Variants in LRIG1 observed in about 807,000 individuals in gnomAD.
LRIG1 encodes leucine-rich repeats and immunoglobulin-like domains protein 1.
Under a neutral mutation model 99.2 loss-of-function variants are expected in LRIG1, and 48 were observed. That is an observed-to-expected ratio of 0.48 (90% CI 0.38 to 0.62). The LOEUF is 0.62. Among genes scored for constraint, LRIG1 ranks in the 20% least tolerant of loss-of-function variants. The pLI, the probability that LRIG1 is intolerant of heterozygous loss-of-function variation, is 0.00. For synonymous variants in LRIG1, 772 were observed against 596.1 expected (o/e 1.29, Z -4.30); for missense variants, 1,646 against 1,434.4 (o/e 1.15, Z -2.38).
At chr3:66,432,193 A>G (rs1234133356) in intron 3 of LRIG1, among the ~76,000 whole-genome samples, 2 of 152,158 alleles carry the variant, frequency 1.3e-5, no homozygotes, top group Non-Finnish European at 2.9e-5. Flanking sequence ...TTTTCCACAC[A>G]GAACCTCCTC....
intron 3 of LRIG1, among the ~76,000 whole-genome samples, chr3:66,423,132 G>A (rs937220981): frequency 1.3e-5 from 2 of 152,136 alleles, no homozygotes; most frequent in African/African-American, 4.8e-5. Flanking sequence ...ATATCAAATA[G>A]GTATGAAGTT....
intron 6 of LRIG1, among the ~76,000 whole-genome samples, chr3:66,412,607 G>T (rs1364069331): frequency 6.6e-6 from 1 of 152,240 alleles, no homozygotes; most frequent in Non-Finnish European, 1.5e-5. Flanking sequence ...CTGAAGTCTT[G>T]AAGAATCCTT....
At chr3:66,436,543 A>C (rs745725426) in intron 3 of LRIG1, among the ~76,000 whole-genome samples, 2 of 152,184 alleles carry the variant, frequency 1.3e-5, no homozygotes, top group African/African-American at 4.8e-5. Context: ...ACTACTCACT[A>C]TCTGTGGGAA....
At chr3:66,471,324 T>C (rs9863395) in intron 1 of LRIG1, among the ~76,000 whole-genome samples, 7,544 of 152,292 alleles carry the variant, frequency 0.05, 595 homozygotes, top group African/African-American at 0.17. Context: ...AACTTTCACA[T>C]AGTCCTTAAG....
chr3:66,484,880 C>A (rs1265917743), intron 1 of LRIG1, among the ~76,000 whole-genome samples: 1 of 152,160 alleles, frequency 6.6e-6, no homozygotes, highest in Non-Finnish European at 1.5e-5. Context: ...ACAGGCTAGG[C>A]ATGGTGGCTC....
At chr3:66,419,259 C>T (rs1418355880) in intron 3 of LRIG1, among the ~76,000 whole-genome samples, 1 of 152,208 alleles carries the variant, frequency 6.6e-6, no homozygotes, top group Non-Finnish European at 1.5e-5. Flanking sequence ...CTCTCCCCAC[C>T]TCCTCCTCTG....
At chr3:66,461,833 G>A (rs894729188) in intron 2 of LRIG1, among the ~76,000 whole-genome samples, 8 of 152,218 alleles carry the variant, frequency 5.3e-5, no homozygotes, top group Admixed American at 5.2e-4. Flanking sequence ...GCAAGGGACA[G>A]CAAGCCTAGA....
At chr3:66,445,500 T>C (rs1202281618) in intron 3 of LRIG1, among the ~76,000 whole-genome samples, 1 of 152,132 alleles carries the variant, frequency 6.6e-6, no homozygotes, top group South Asian at 2.1e-4. Flanking sequence ...GGGGCAACCC[T>C]TGGTCTTGGG....
intron 3 of LRIG1, among the ~76,000 whole-genome samples, chr3:66,431,130 G>T (rs527567609): frequency 1.3e-5 from 2 of 152,148 alleles, no homozygotes; most frequent in African/African-American, 4.8e-5. Flanking sequence ...TCCCGGGTAC[G>T]GCACAGCTGA....
At chr3:66,467,043 TC>T (rs1424382542) in intron 1 of LRIG1, among the ~76,000 whole-genome samples, 5 of 152,158 alleles carry the variant, frequency 3.3e-5, no homozygotes, top group African/African-American at 1.2e-4. Context: ...AGATGACCGT[TC>T]AGCCCACCGT....
At chr3:66,489,001 T>C (rs1701038714) in intron 1 of LRIG1, among the ~76,000 whole-genome samples, 1 of 152,164 alleles carries the variant, frequency 6.6e-6, no homozygotes, top group Admixed American at 6.5e-5. Flanking sequence ...TTCTTAAAAT[T>C]CTAAATCAAA....
chr3:66,420,909 G>A (rs756227289), intron 3 of LRIG1, among the ~76,000 whole-genome samples: 1 of 152,182 alleles, frequency 6.6e-6, no homozygotes, highest in South Asian at 2.1e-4. Context: ...ACAGTTCCAC[G>A]TGGCTGGGGA....
At chr3:66,410,352 G>A (rs1702425882) in intron 6 of LRIG1, 80 bp from the exon 7 acceptor site, 4 of 1,377,788 alleles carry the variant, frequency 2.9e-6, no homozygotes, top group Non-Finnish European at 4.0e-6. Context: ...CAGCCACGCT[G>A]TACCTGACAC....
chr3:66,437,434 T>C (rs1407626881), intron 3 of LRIG1, among the ~76,000 whole-genome samples: 2 of 152,214 alleles, frequency 1.3e-5, no homozygotes, highest in Non-Finnish European at 2.9e-5. Flanking sequence ...TTTCCACTAA[T>C]ACTTTTTCTC....
At position 66,440,203 on chromosome 3, in the gene LRIG1, G is replaced by T. The variant is rs912202906; in HGVS notation, c.365+11356C>A. 8.8e-4 allele frequency among the ~76,000 whole-genome samples: 134 copies of T among 152,160 alleles called. 1 individual carries two copies. The highest frequency in any genetic ancestry group is 2.9e-3 in the African/African-American group (121 of 41,506). On this transcript the variant is annotated intron_variant, in intron 3 of 18. Transcript: ENST00000273261. Reference sequence around the variant, plus strand: ...AGCTTTTTTAAAAAACCACCACAACGCCTGGGCCCAACACTCACCCCCTCT... The same window carrying T: ...AGCTTTTTTAAAAAACCACCACAACTCCTGGGCCCAACACTCACCCCCTCT...
At chr3:66,474,510 T>A (rs1192391165) in intron 1 of LRIG1, among the ~76,000 whole-genome samples, 5 of 152,144 alleles carry the variant, frequency 3.3e-5, no homozygotes, top group African/African-American at 4.8e-5. Context: ...TGCACCCAGC[T>A]AATTCTTGTA....
intron 1 of LRIG1, among the ~76,000 whole-genome samples, chr3:66,499,705 T>C (rs1361832616): frequency 2.0e-5 from 3 of 151,876 alleles, no homozygotes; most frequent in Non-Finnish European, 4.4e-5. Flanking sequence ...GACCCAACAG[T>C]CACCTTCATT....
intron 7 of LRIG1, among the ~76,000 whole-genome samples, chr3:66,408,721 C>G (rs541497250): frequency 6.6e-6 from 1 of 152,262 alleles, no homozygotes; most frequent in South Asian, 2.1e-4. Context: ...CTGGTGGGGT[C>G]ACAGCTTGAC....
chr3:66,493,907 G>C (rs1462083823), intron 1 of LRIG1, among the ~76,000 whole-genome samples: 3 of 148,224 alleles, frequency 2.0e-5, no homozygotes, highest in East Asian at 2.0e-4. Flanking sequence ...AGGAAAAAAA[G>C]AAAGAAGGGA....
Sources: allele counts gnomAD v4.1 joint callset (sites outside exome capture counted in the v4.1 genomes callset), GRCh38; gene constraint gnomAD v4.1.1; transcripts MANE v1.5; gene names NCBI Gene and HGNC (gene_info 2026-07-23, HGNC 2026-07-21).